Variants in FGD5 observed in about 807,000 individuals in gnomAD.
FGD5 encodes FYVE, RhoGEF and PH domain containing 5.
FGD5 carries 28 observed loss-of-function variants against 133.4 expected under a neutral mutation model. The ratio of observed to expected loss-of-function variants is 0.21; its 90% CI spans 0.16 to 0.29. FGD5 has a LOEUF of 0.29. Among genes scored for constraint, FGD5 ranks in the 10% least tolerant of loss-of-function variants. The pLI, the probability that FGD5 is intolerant of heterozygous loss-of-function variation, is 1.00. For missense variants in FGD5, 1,858 were observed against 1,895.2 expected, an observed-to-expected ratio of 0.98 and a Z score of 0.36; for synonymous variants, 810 against 776.5, an observed-to-expected ratio of 1.04 and a Z score of -0.72.
chr3:14,821,962 T>C (rs1163908419), intron 1 of FGD5, among the ~76,000 whole-genome samples: 1 of 152,132 alleles, frequency 6.6e-6, no homozygotes, highest in Non-Finnish European at 1.5e-5. Flanking sequence ...TAGCTGGGCA[T>C]GGTGGCATGC....
At chr3:14,900,370 G>A in intron 7 of FGD5, 33 bp from the exon 8 acceptor site, 1 of 1,610,204 alleles carries the variant, frequency 6.2e-7, no homozygotes, top group African/African-American at 1.3e-5. Context: ...GACCTCACCA[G>A]TAGCTGACTC....
intron 2 of FGD5, among the ~76,000 whole-genome samples, chr3:14,868,085 G>A (rs568471766): frequency 2.8e-4 from 42 of 152,172 alleles, no homozygotes; most frequent in African/African-American, 9.6e-4. Context: ...GGCTGTAGGT[G>A]GAAGGAAAGA....
At chr3:14,890,813 C>G (rs2038012387) in intron 4 of FGD5, among the ~76,000 whole-genome samples, 1 of 152,198 alleles carries the variant, frequency 6.6e-6, no homozygotes, top group South Asian at 2.1e-4. Flanking sequence ...TACAGCCGGT[C>G]TTGTCTTTGC....
chr3:14,901,181 GA>G, intron 9 of FGD5, 120 bp downstream of exon 9: 1 of 1,071,738 alleles, frequency 9.3e-7, no homozygotes. Flanking sequence ...TCTCTTGTGG[GA>G]CTCTGCAGAG....
In FGD5 at chr3:14,917,113, G is replaced by A. The variant is rs897085431; in HGVS notation, c.3406-136G>A. ...AAGGGGCTCACATTTTGGCCGCAAC[G>A]TTTTTGCTCACCTGTGGGGGTTACT... is the stretch of plus-strand genomic sequence containing the variant. On this transcript the variant is annotated intron_variant, in intron 11 of 19. Coordinates refer to ENST00000285046, the MANE Select transcript of FGD5 (RefSeq NM_152536.4). This position sits in a 1 kb window ranked among gnomAD's most constrained non-coding sequence, Gnocchi z 4.1. 17 of 666,308 alleles carry A rather than the reference G, an allele frequency of 2.6e-5. No individual in the cohort carries two copies. The highest frequency in any genetic ancestry group is 5.5e-5 in the African/African-American group (3 of 54,186). 41.3% of individuals were successfully genotyped at this position (666,308 alleles called of 1,614,324 possible). A position where few individuals can be genotyped will look rare whatever the true frequency, so the allele number is the denominator to read the frequency against.
At chr3:14,827,349 C>T (rs2036620154) in intron 1 of FGD5, among the ~76,000 whole-genome samples, 1 of 141,072 alleles carries the variant, frequency 7.1e-6, no homozygotes, top group Non-Finnish European at 1.5e-5. Flanking sequence ...AGTGCAGTGG[C>T]GCGATCTCGG....
Position 14,914,082 on chromosome 3 carries a change from C to T in FGD5, c.3405+3153C>T, listed in dbSNP as rs552815691. 9.8e-5 allele frequency among the ~76,000 whole-genome samples: 15 copies of T among 152,330 alleles called. 1 individual carries two copies. In the South Asian group the frequency reaches 2.5e-3, roughly 25 times the overall value. On this transcript the variant is annotated intron_variant, in intron 11 of 19. Coordinates refer to ENST00000285046, the MANE Select transcript of FGD5 (RefSeq NM_152536.4). The stretch of plus-strand genomic sequence containing the variant: ...GGGTCCTCTTCTTCCTCTGGCTCAG[C>T]GCAGCCCTTCCACTGAGCAGTGTTG...
chr3:14,863,640 T>C (rs2037440957), intron 1 of FGD5, among the ~76,000 whole-genome samples: 1 of 152,250 alleles, frequency 6.6e-6, no homozygotes, highest in Admixed American at 6.5e-5. Context: ...GAGTGGGAAC[T>C]GATGCCCTGA....
intron 8 of FGD5, 74 bp downstream of exon 8, chr3:14,900,527 C>A: frequency 6.5e-7 from 1 of 1,542,274 alleles, no homozygotes; most frequent in South Asian, 1.2e-5. Flanking sequence ...TGGACCCTGC[C>A]CCAATTCCAA....
intron 1 of FGD5, among the ~76,000 whole-genome samples, chr3:14,830,603 T>C (rs867479798): frequency 2.0e-5 from 3 of 152,232 alleles, no homozygotes; most frequent in African/African-American, 4.8e-5. Flanking sequence ...GAGAGTCTTA[T>C]TGTTGGAGTT....
intron 2 of FGD5, among the ~76,000 whole-genome samples, chr3:14,873,708 A>T (rs2037656373): frequency 6.6e-6 from 1 of 151,700 alleles, no homozygotes; most frequent in Non-Finnish European, 1.5e-5. Flanking sequence ...AAGAACGTTT[A>T]ACGTAAGAGC....
At chr3:14,883,064 G>A (rs900724640) in intron 4 of FGD5, among the ~76,000 whole-genome samples, 2 of 152,096 alleles carry the variant, frequency 1.3e-5, no homozygotes, top group Non-Finnish European at 2.9e-5. Flanking sequence ...TTGGGGGCGC[G>A]GAGTGGCCTT....
At chr3:14,837,575 G>T (rs186853765) in intron 1 of FGD5, among the ~76,000 whole-genome samples, 1 of 152,122 alleles carries the variant, frequency 6.6e-6, no homozygotes, top group Admixed American at 6.5e-5. Context: ...GAGGACTACC[G>T]GGTTTTTGTA....
At chr3:14,822,106 TAAAAAA>T (rs553593220) in intron 1 of FGD5, among the ~76,000 whole-genome samples, 1 of 140,762 alleles carries the variant, frequency 7.1e-6, no homozygotes. Flanking sequence ...CTAAAAAAAA[TAAAAAA>T]AAAAGAAAAG....
At chr3:14,849,104 C>T (rs989577880) in intron 1 of FGD5, among the ~76,000 whole-genome samples, 5 of 152,184 alleles carry the variant, frequency 3.3e-5, no homozygotes, top group African/African-American at 4.8e-5. Context: ...TGTCTGGGTC[C>T]AAGTGTGAGG....
chr3:14,819,980 C>G lies in FGD5; in HGVS notation c.909C>G (p.Thr303=). 6.2e-7 allele frequency: 1 copy of G among 1,613,878 alleles called. No individual in the cohort carries two copies. The highest frequency in any genetic ancestry group is 8.5e-7 in the Non-Finnish European group (1 of 1,179,848). The part of the protein sequence containing the change: ...LSEPPDHEKK[T]NQEVAAATLE... ...AACCACCTGACCACGAGAAGAAAAC[C>G]AACCAAGAAGTGGCAGCCGCCACCC... The change falls in exon 1 of 20, where the codon ACC becomes ACG. Residue 303 remains threonine, a synonymous_variant. Coordinates refer to ENST00000285046, the MANE Select transcript of FGD5 (RefSeq NM_152536.4). The surrounding 1 kb of genome is among the most constrained non-coding windows in gnomAD (Gnocchi z 4.1).
intron 1 of FGD5, among the ~76,000 whole-genome samples, chr3:14,849,061 G>A (rs1185413567): frequency 6.6e-6 from 1 of 152,206 alleles, no homozygotes; most frequent in Non-Finnish European, 1.5e-5. Flanking sequence ...GACCACATGA[G>A]TGACATGACA....
chr3:14,891,873 C>G (rs1385673677), intron 4 of FGD5, among the ~76,000 whole-genome samples: 4 of 152,000 alleles, frequency 2.6e-5, no homozygotes, highest in Non-Finnish European at 4.4e-5. Flanking sequence ...CCTTCATGCC[C>G]CCTTCCTCCT....
chr3:14,844,598 G>T (rs1031997406), intron 1 of FGD5, among the ~76,000 whole-genome samples: 9 of 152,116 alleles, frequency 5.9e-5, no homozygotes, highest in African/African-American at 1.9e-4. Context: ...GAGGTAGGTT[G>T]CGGTGCTGAA....
Sources: allele counts gnomAD v4.1 joint callset (sites outside exome capture counted in the v4.1 genomes callset), GRCh38; gene constraint gnomAD v4.1.1; non-coding constraint Gnocchi (gnomAD v3.1); transcripts MANE v1.5; gene names NCBI Gene and HGNC (gene_info 2026-07-23, HGNC 2026-07-21).